The following KRABD3 variants were observed in gnomAD, a reference collection of about 807,000 sequenced individuals.
KRABD3 encodes KRAB domain containing 3.
At chr7:149,724,764 T>TC in the KRABD3 span, 2 of 1,575,624 alleles carry the variant, frequency 1.3e-6, no homozygotes, top group Non-Finnish European at 1.7e-6. Context: ...CTGCATCCTG[T>TC]CAGCCTGGCA....
chr7:149,721,766 G>T, the KRABD3 span: 5 of 681,754 alleles, frequency 7.3e-6, no homozygotes, highest in South Asian at 6.0e-5. Flanking sequence ...CTGTCATCCC[G>T]CCCCGATCAC....
At chr7:149,719,417 C>G in the KRABD3 span, 1 of 949,328 alleles carries the variant, frequency 1.1e-6, no homozygotes, top group Non-Finnish European at 1.5e-6. The surrounding 1 kb of genome is among the most constrained non-coding windows in gnomAD (Gnocchi z 5.6). Flanking sequence ...GGGATTCCTG[C>G]ATGTCAGACC....
At chr7:149,730,253 C>T in the KRABD3 span, 1 of 1,558,200 alleles carries the variant, frequency 6.4e-7, no homozygotes, top group East Asian at 2.4e-5. Flanking sequence ...CCAGCCCCAG[C>T]CCCAGCCCCG....
At chr7:149,728,706 GAC>G in the KRABD3 span, 4 of 1,608,152 alleles carry the variant, frequency 2.5e-6, no homozygotes, top group South Asian at 4.4e-5. Context: ...CCTGGGTGTA[GAC>G]AGGGCTGCTC....
chr7:149,720,212 C>T, the KRABD3 span: 78 of 1,451,370 alleles, frequency 5.4e-5, no homozygotes, highest in South Asian at 9.3e-4. Context: ...CCTACTCAGT[C>T]CAGCCTCTCA....
chr7:149,728,585 C>G, the KRABD3 span: 3 of 1,613,808 alleles, frequency 1.9e-6, no homozygotes, highest in Non-Finnish European at 1.7e-6. Flanking sequence ...GATACCTGTG[C>G]CTGTGCTGCG....
At chr7:149,723,849 G>T in the KRABD3 span, 1 of 1,613,900 alleles carries the variant, frequency 6.2e-7, no homozygotes, top group Non-Finnish European at 8.5e-7. Context: ...GGAACCGACG[G>T]CTACAGGAGA....
chr7:149,722,502 C>T, the KRABD3 span: 3 of 1,606,538 alleles, frequency 1.9e-6, no homozygotes, highest in South Asian at 1.1e-5. Context: ...CACCCATAGC[C>T]CCAGCAGGAG....
At chr7:149,731,501 C>T in the KRABD3 span, among the ~76,000 whole-genome samples, 11 of 152,340 alleles carry the variant, frequency 7.2e-5, 1 homozygote, top group South Asian at 2.1e-3. Context: ...ACACGCACCG[C>T]GGCGGGCCCT....
chr7:149,720,995 G>T, the KRABD3 span: 1 of 1,613,212 alleles, frequency 6.2e-7, no homozygotes. Flanking sequence ...CCGAGGGTAA[G>T]TCAGACAGTG....
chr7:149,726,175 C>T, the KRABD3 span: 4 of 921,456 alleles, frequency 4.3e-6, no homozygotes, highest in Non-Finnish European at 6.4e-6. Flanking sequence ...GGAGCAGAGC[C>T]AGGGATACTG....
chr7:149,728,888 C>T, the KRABD3 span, among the ~76,000 whole-genome samples: 1 of 152,242 alleles, frequency 6.6e-6, no homozygotes, highest in African/African-American at 2.4e-5. Flanking sequence ...GCGGTTCCAC[C>T]ATCCCAGCTG....
chr7:149,729,224 G>C, the KRABD3 span: 1 of 1,583,420 alleles, frequency 6.3e-7, no homozygotes, highest in South Asian at 1.2e-5. Context: ...GCCCGTCTCG[G>C]GCAGGGTAGG....
At chr7:149,721,286 T>C in the KRABD3 span, 1 of 1,416,816 alleles carries the variant, frequency 7.1e-7, no homozygotes. Context: ...TCCTGGTCAT[T>C]GTTAGTACAT....
At chr7:149,717,251 A>C in the KRABD3 span, among the ~76,000 whole-genome samples, 2 of 152,244 alleles carry the variant, frequency 1.3e-5, no homozygotes, top group African/African-American at 4.8e-5. Flanking sequence ...GAAGGAAAGC[A>C]GGGGTGTGGC....
chr7:149,730,370 G>A, the KRABD3 span: 24 of 1,549,966 alleles, frequency 1.5e-5, no homozygotes, highest in Admixed American at 5.8e-5. Context: ...GGAGGATAGC[G>A]GGATGTGTGC....
chr7:149,715,159 T>C, the KRABD3 span: 1 of 1,228,370 alleles, frequency 8.1e-7, no homozygotes, highest in Admixed American at 4.2e-5. Context: ...AACTTCGGGA[T>C]CGGCTGGGTG....
At chr7:149,728,696 C>A in the KRABD3 span, 2 of 1,611,458 alleles carry the variant, frequency 1.2e-6, no homozygotes, top group Non-Finnish European at 1.7e-6. Flanking sequence ...CTGCCGGGGC[C>A]CTGGGTGTAG....
chr7:149,721,142 C>T, the KRABD3 span, among the ~76,000 whole-genome samples: 17 of 152,360 alleles, frequency 1.1e-4, 1 homozygote, highest in African/African-American at 3.8e-4. Context: ...GTGTGCCGCC[C>T]TCTGAGCACA....
Sources: allele counts gnomAD v4.1 joint callset (sites outside exome capture counted in the v4.1 genomes callset), GRCh38; gene constraint gnomAD v4.1.1; non-coding constraint Gnocchi (gnomAD v3.1); transcripts MANE v1.5; gene names NCBI Gene and HGNC (gene_info 2026-07-23, HGNC 2026-07-21).